MPV17L: variants seen among roughly 807,000 people sequenced by gnomAD.
MPV17L encodes the protein MPV17 mitochondrial inner membrane protein like, also known as mpv17-like protein.
A neutral mutation model predicts 25.8 loss-of-function variants in MPV17L; 24 were observed. The ratio of observed to expected loss-of-function variants is 0.93; its 90% CI spans 0.67 to 1.31. MPV17L has a LOEUF of 1.31. Ranked by LOEUF, MPV17L falls within the 50% of genes most tolerant of loss-of-function variation. The pLI is 0.00. For synonymous variants in MPV17L, 102 were observed against 115.3 expected (o/e 0.88, Z 0.74); for missense variants, 250 against 265.6 (o/e 0.94, Z 0.41).
intron 2 of MPV17L, among the ~76,000 whole-genome samples, chr16:15,402,863 T>C (rs2050649602): frequency 6.6e-6 from 1 of 151,994 alleles, no homozygotes; most frequent in African/African-American, 2.4e-5. Context: ...TATTTTTCAG[T>C]AGAGATAGGG....
At chr16:15,401,035 A>C (rs1226609951) in intron 2 of MPV17L, among the ~76,000 whole-genome samples, 178 bp downstream of exon 2, 1 of 116,112 alleles carries the variant, frequency 8.6e-6, no homozygotes, top group East Asian at 2.3e-4. Flanking sequence ...TAATCACATC[A>C]GGATTTTTTT....
chr16:15,398,024 A>G (rs1204226348), intron 1 of MPV17L, among the ~76,000 whole-genome samples: 1 of 151,830 alleles, frequency 6.6e-6, no homozygotes, highest in Non-Finnish European at 1.5e-5. Context: ...TCCTCAAACA[A>G]CTAGTGAGAT....
At chr16:15,407,649 C>T (rs1428861736) in intron 2 of MPV17L, among the ~76,000 whole-genome samples, 175 bp from the exon 3 acceptor site, 2 of 151,746 alleles carry the variant, frequency 1.3e-5, no homozygotes, top group Admixed American at 1.3e-4. Context: ...GGCAGAGACA[C>T]GACAATTGCT....
chr16:15,407,764 T>C, intron 2 of MPV17L, 60 bp from the exon 3 acceptor site: 1 of 1,483,646 alleles, frequency 6.7e-7, no homozygotes, highest in Non-Finnish European at 9.2e-7. Context: ...ACAAAATAAA[T>C]AAATAAAAAA....
At chr16:15,401,606 C>T (rs968820130) in intron 2 of MPV17L, among the ~76,000 whole-genome samples, 1 of 151,912 alleles carries the variant, frequency 6.6e-6, no homozygotes, top group Admixed American at 6.6e-5. Flanking sequence ...GATCACTTGA[C>T]GTTAGGAGTT....
At position 15,395,936 on chromosome 16, in the gene MPV17L, G is replaced by A; in HGVS notation, c.39G>A (p.Arg13=). Residue 13 remains arginine, a synonymous_variant, in exon 1 of 4, where the codon CGG becomes CGA. Coordinates refer to ENST00000396385, the MANE Select transcript of MPV17L (RefSeq NM_001128423.2). ...GWWPALSRAA[R]RHPWPTNVLL... is the part of the protein sequence containing the mutation. ...GGCCGGCGTTGTCGCGCGCGGCCCG[G>A]CGCCACCCGTGGCCCACCAACGTGC... 1 of 1,466,266 alleles carries A rather than the reference G, an allele frequency of 6.8e-7. No individual in the cohort carries two copies. Among genetic ancestry groups the A allele is most frequent in the Non-Finnish European group, 8.9e-7 (1 of 1,118,956 alleles). 90.8% of individuals were successfully genotyped at this position (1,466,266 alleles called of 1,614,324 possible).
chr16:15,397,725 C>T (rs2050599559), intron 1 of MPV17L, among the ~76,000 whole-genome samples: 1 of 152,106 alleles, frequency 6.6e-6, no homozygotes, highest in Admixed American at 6.6e-5. Flanking sequence ...ACCTACCCTG[C>T]CCCGTGTGCC....
At chr16:15,397,113 G>A (rs1020523808) in intron 1 of MPV17L, among the ~76,000 whole-genome samples, 12 of 152,156 alleles carry the variant, frequency 7.9e-5, no homozygotes, top group African/African-American at 2.9e-4. Flanking sequence ...AAGACACTGG[G>A]CGTATTCTCC....
rs878907284 is a variant in MPV17L at position 15,412,482 on chromosome 16, T to G, written c.*4370T>G. ...AAATTAACTTTGGTATTTCAGGTTGTATTTATATGGGGACTTCACATCAAC... is the reference window on the plus strand; with the variant it reads ...AAATTAACTTTGGTATTTCAGGTTGGATTTATATGGGGACTTCACATCAAC... On this transcript the variant is annotated 3_prime_UTR_variant, in exon 4 of 4. Transcript: ENST00000396385. 16 of 151,424 alleles carry G rather than the reference T, an allele frequency of 1.1e-4. No individual in the cohort carries two copies. The highest frequency in any genetic ancestry group is 6.6e-5 in the Admixed American group (1 of 15,166). The allele number at this position is 151,424 out of a possible 1,614,324, so 9.4% of individuals were successfully genotyped here.
intron 1 of MPV17L, among the ~76,000 whole-genome samples, chr16:15,398,278 A>G (rs1410551970): frequency 1.3e-5 from 2 of 152,128 alleles, no homozygotes; most frequent in East Asian, 1.9e-4. Flanking sequence ...TCCTGACCTC[A>G]AGTGATCTGC....
At chr16:15,399,914 T>C (rs1303815552) in intron 1 of MPV17L, among the ~76,000 whole-genome samples, 1 of 152,084 alleles carries the variant, frequency 6.6e-6, no homozygotes, top group African/African-American at 2.4e-5. Flanking sequence ...AAGCGATCCT[T>C]CTGCCTCAGC....
intron 2 of MPV17L, 49 bp from the exon 3 acceptor site, chr16:15,407,774 AT>A (rs2050694468): frequency 6.5e-7 from 1 of 1,532,558 alleles, no homozygotes; most frequent in Non-Finnish European, 8.9e-7. Context: ...TAAATAAAAA[AT>A]AAAAGGCAAT....
intron 1 of MPV17L, among the ~76,000 whole-genome samples, chr16:15,396,838 G>A (rs2050590605): frequency 6.6e-6 from 1 of 152,094 alleles, no homozygotes. Context: ...GGGGTCTCAC[G>A]GAAAACATCA....
intron 1 of MPV17L, among the ~76,000 whole-genome samples, chr16:15,398,857 G>A (rs909361353): frequency 2.6e-5 from 4 of 152,044 alleles, no homozygotes; most frequent in African/African-American, 7.2e-5. Context: ...GTCTCCCAAA[G>A]TGCTGGGATT....
chr16:15,406,709 T>A (rs1346174204), intron 2 of MPV17L, among the ~76,000 whole-genome samples: 1 of 152,108 alleles, frequency 6.6e-6, no homozygotes, highest in African/African-American at 2.4e-5. Context: ...GCAAATCACC[T>A]GAGGTCAGGA....
chr16:15,403,593 G>A (rs1231457648), intron 2 of MPV17L, among the ~76,000 whole-genome samples: 1 of 151,284 alleles, frequency 6.6e-6, no homozygotes, highest in African/African-American at 2.4e-5. Flanking sequence ...AGGATTGCAA[G>A]CCTGGGAGGT....
In MPV17L at chr16:15,407,818, T is replaced by A; in HGVS notation, c.382-6T>A. 1 of 1,599,914 alleles carries A rather than the reference T, an allele frequency of 6.3e-7. No homozygotes were observed. The highest frequency in any genetic ancestry group is 1.4e-5 in the African/African-American group (1 of 73,864). On this transcript the variant is annotated splice_region_variant and splice_polypyrimidine_tract_variant and intron_variant, in intron 2 of 3. Transcript: ENST00000396385. Reference sequence around the variant, plus strand: ...AGTTGTTGCTTTTTTTTTTTCCCAATTCCAGAGTGGACTGATGTACTGGCC... The same window carrying A: ...AGTTGTTGCTTTTTTTTTTTCCCAAATCCAGAGTGGACTGATGTACTGGCC...
At position 15,395,889 on chromosome 16, in the gene MPV17L, A is replaced by G; in HGVS notation, c.-9A>G. On this transcript the variant is annotated 5_prime_UTR_variant, in exon 1 of 4. Coordinates refer to ENST00000396385, the MANE Select transcript of MPV17L (RefSeq NM_001128423.2). ...CGGGCTCCTGATCGCGGGCGCCCAC[A>G]GCGCGGACATGGCGGGCTGGTGGCC... 7.2e-7 allele frequency: 1 copy of G among 1,391,698 alleles called. No homozygotes were observed. The highest frequency in any genetic ancestry group is 9.2e-7 in the Non-Finnish European group (1 of 1,085,724). The allele number at this position is 1,391,698 out of a possible 1,614,324, so 86.2% of individuals were successfully genotyped here.
At position 15,408,924 on chromosome 16, in the gene MPV17L, G is replaced by A. The variant is rs370538381; in HGVS notation, c.*812G>A. Reference sequence around the variant, plus strand: ...AGCCTCCCAAGTAGCTGGGACTACAGGCACCTGCCACGATGCCTAGCTAAT... The same window carrying A: ...AGCCTCCCAAGTAGCTGGGACTACAAGCACCTGCCACGATGCCTAGCTAAT... On this transcript the variant is annotated 3_prime_UTR_variant, in exon 4 of 4. Transcript: ENST00000396385. The A allele has an allele frequency of 3.3e-5, 5 of 151,920 alleles. No individual in the cohort carries two copies. In the East Asian group the frequency reaches 9.7e-4, roughly 29 times the overall value. 9.4% of individuals were successfully genotyped at this position (151,920 alleles called of 1,614,324 possible).
Sources: allele counts gnomAD v4.1 joint callset (sites outside exome capture counted in the v4.1 genomes callset), GRCh38; gene constraint gnomAD v4.1.1; transcripts MANE v1.5; gene names NCBI Gene and HGNC (gene_info 2026-07-23, HGNC 2026-07-21).